TEKT5: variants seen among roughly 807,000 people sequenced by gnomAD.
The protein encoded by TEKT5 is tektin-5.
Under a neutral mutation model 48.7 loss-of-function variants are expected in TEKT5, and 52 were observed. The ratio of observed to expected loss-of-function variants is 1.07; its 90% confidence interval spans 0.86 to 1.35. The LOEUF (loss-of-function observed/expected upper bound fraction) is 1.35, where lower values mean the gene tolerates loss of function less well. Among genes scored for constraint, TEKT5 ranks in the 40% most tolerant of loss-of-function variants. The pLI, the probability that TEKT5 is intolerant of heterozygous loss-of-function variation, is 0.00. For missense variants in TEKT5, 831 were observed against 641.6 expected (o/e 1.30, Z -3.19); for synonymous variants, 318 against 267.6 (o/e 1.19, Z -1.84).
intron 5 of TEKT5, among the ~76,000 whole-genome samples, chr16:10,651,788 C>T (rs1348227888): frequency 2.0e-5 from 3 of 152,000 alleles, no homozygotes; most frequent in Non-Finnish European, 2.9e-5. Flanking sequence ...GGCGAAACCC[C>T]GTCTCTACTA....
At chr16:10,687,619 G>A (rs1222333269) in intron 3 of TEKT5, among the ~76,000 whole-genome samples, 2 of 151,892 alleles carry the variant, frequency 1.3e-5, no homozygotes, top group Non-Finnish European at 2.9e-5. Context: ...TGAGTGTGGT[G>A]GCATGGGCCT....
chr16:10,644,842 G>A (rs1327250725), intron 5 of TEKT5, among the ~76,000 whole-genome samples: 2 of 152,182 alleles, frequency 1.3e-5, no homozygotes, highest in African/African-American at 4.8e-5. Context: ...CTGCCTGAAT[G>A]TCTGTGTTCC....
At chr16:10,671,298 G>A (rs566514822) in intron 5 of TEKT5, among the ~76,000 whole-genome samples, 4 of 152,298 alleles carry the variant, frequency 2.6e-5, no homozygotes, top group Admixed American at 2.0e-4. Context: ...TTCAGGCAAT[G>A]AAACATGACA....
At chr16:10,637,341 T>TA (rs35329984) in intron 5 of TEKT5, among the ~76,000 whole-genome samples, 37,779 of 138,592 alleles carry the variant, frequency 0.27, 5,843 homozygotes, top group African/African-American at 0.43. Flanking sequence ...CAGCCCGCTT[T>TA]AAAAAAAAAA....
intron 5 of TEKT5, among the ~76,000 whole-genome samples, chr16:10,660,537 C>G (rs1185106769): frequency 2.0e-5 from 3 of 152,152 alleles, no homozygotes; most frequent in African/African-American, 7.2e-5. Flanking sequence ...ATCTCCTCAT[C>G]CGGGAGACAG....
chr16:10,686,494 C>T (rs1325814128), intron 3 of TEKT5, among the ~76,000 whole-genome samples: 1 of 150,836 alleles, frequency 6.6e-6, no homozygotes, highest in Admixed American at 6.6e-5. Flanking sequence ...TAAAATGTAA[C>T]ACCTGAAACT....
At chr16:10,658,947 GCCTCAAGTGAT>G (rs945695989) in intron 5 of TEKT5, among the ~76,000 whole-genome samples, 10 of 152,000 alleles carry the variant, frequency 6.6e-5, no homozygotes, top group African/African-American at 2.4e-4. Context: ...CGAACTCCTG[GCCTCAAGTGAT>G]CCACCCACTT....
intron 3 of TEKT5, among the ~76,000 whole-genome samples, chr16:10,688,296 G>T (rs578230717): frequency 1.3e-5 from 2 of 152,330 alleles, no homozygotes; most frequent in South Asian, 4.1e-4. Flanking sequence ...TGCTCTATGG[G>T]TAGCTTGCCT....
chr16:10,681,959 C>A (rs372982214), intron 4 of TEKT5, 34 bp downstream of exon 4: 38 of 1,607,676 alleles, frequency 2.4e-5, no homozygotes, highest in Middle Eastern at 1.7e-4. Flanking sequence ...CAGTTGGACA[C>A]GCCAGGGATG....
chr16:10,634,770 G>A (rs1331314629), intron 6 of TEKT5, among the ~76,000 whole-genome samples: 2 of 152,134 alleles, frequency 1.3e-5, no homozygotes, highest in South Asian at 4.1e-4. Context: ...GGGTGAATGA[G>A]GGTGGCTGCC....
At chr16:10,639,281 T>A (rs564310259) in intron 5 of TEKT5, among the ~76,000 whole-genome samples, 1 of 151,964 alleles carries the variant, frequency 6.6e-6, no homozygotes, top group African/African-American at 2.4e-5. Flanking sequence ...CACTCCAGCC[T>A]GGAGTCCAAA....
intron 5 of TEKT5, among the ~76,000 whole-genome samples, chr16:10,642,320 C>T (rs555923249): frequency 6.6e-6 from 1 of 152,324 alleles, no homozygotes; most frequent in East Asian, 1.9e-4. Context: ...TGGGCATTCA[C>T]TGTCCACCAG....
At chr16:10,675,779 T>C (rs527966702) in intron 5 of TEKT5, among the ~76,000 whole-genome samples, 180 bp downstream of exon 5, 153 of 151,888 alleles carry the variant, frequency 1.0e-3, no homozygotes, top group African/African-American at 3.6e-3. Flanking sequence ...GATGCTTAAA[T>C]CCCCCCAGGA....
intron 1 of TEKT5, among the ~76,000 whole-genome samples, chr16:10,693,638 T>C (rs1202917985): frequency 1.3e-5 from 2 of 152,250 alleles, no homozygotes; most frequent in African/African-American, 4.8e-5. Context: ...TGTATTCTAA[T>C]ATTCAATCAA....
intron 5 of TEKT5, among the ~76,000 whole-genome samples, chr16:10,637,043 G>C (rs192750914): frequency 1.3e-5 from 2 of 149,740 alleles, no homozygotes; most frequent in Non-Finnish European, 3.0e-5. Flanking sequence ...GTGCAGTGGT[G>C]CGATTTCGGC....
intron 4 of TEKT5, 150 bp from the exon 5 acceptor site, chr16:10,676,331 C>A: frequency 1.3e-6 from 1 of 746,410 alleles, no homozygotes; most frequent in Non-Finnish European, 2.2e-6. Flanking sequence ...CATCCCTGGC[C>A]TCTACCCACT....
At chr16:10,656,872 C>T (rs1270504119) in intron 5 of TEKT5, among the ~76,000 whole-genome samples, 2 of 152,042 alleles carry the variant, frequency 1.3e-5, no homozygotes, top group Non-Finnish European at 2.9e-5. Flanking sequence ...TCCTGAGTAG[C>T]TGGGACTACA....
intron 5 of TEKT5, among the ~76,000 whole-genome samples, chr16:10,664,843 G>C (rs74621777): frequency 1.3e-5 from 2 of 152,194 alleles, no homozygotes; most frequent in African/African-American, 4.8e-5. Flanking sequence ...TGAGAAAGCA[G>C]ACCATAGCTT....
intron 5 of TEKT5, among the ~76,000 whole-genome samples, chr16:10,661,742 G>A (rs16957493): frequency 0.13 from 19,222 of 152,156 alleles, 1,371 homozygotes; most frequent in African/African-American, 0.16. Context: ...CAATCCAGAG[G>A]AACCTTCTAG....
Sources: allele counts gnomAD v4.1 joint callset (sites outside exome capture counted in the v4.1 genomes callset), GRCh38; gene constraint gnomAD v4.1.1; transcripts MANE v1.5; gene names NCBI Gene and HGNC (gene_info 2026-07-23, HGNC 2026-07-21).